Variants in SLCO3A1 observed in about 807,000 individuals in gnomAD.
SLCO3A1 encodes the protein PGE1 transporter.
In SLCO3A1, 27 loss-of-function variants were observed where a neutral mutation model predicts 63.1. The observed-to-expected ratio is 0.43, with a 90% CI of 0.32 to 0.59. The LOEUF (loss-of-function observed/expected upper bound fraction) is 0.59. SLCO3A1 is among the 20% of genes least tolerant of loss of function. The pLI, the probability that SLCO3A1 is intolerant of heterozygous loss-of-function variation, is 0.09. For missense variants in SLCO3A1, 773 were observed against 945.8 expected (o/e 0.82, Z 2.40); for synonymous variants, 473 against 409.9 (o/e 1.15, Z -1.86).
intron 2 of SLCO3A1, among the ~76,000 whole-genome samples, chr15:91,974,781 T>C (rs1901033558): frequency 1.3e-5 from 2 of 152,160 alleles, no homozygotes; most frequent in South Asian, 4.1e-4. Context: ...CCCTCTGTGA[T>C]AGGGTAGGGG....
chr15:92,093,532 T>C (rs1596094367), intron 2 of SLCO3A1, among the ~76,000 whole-genome samples: 1 of 152,212 alleles, frequency 6.6e-6, no homozygotes, highest in Non-Finnish European at 1.5e-5. Context: ...GCAAACTATA[T>C]TACGCGGCTT....
chr15:92,167,794 C>T (rs2048501339), downstream of SLCO3A1, among the ~76,000 whole-genome samples: 1 of 152,166 alleles, frequency 6.6e-6, no homozygotes. Context: ...GCTTGGTCGT[C>T]ATGGCAGGGA....
chr15:92,100,068 A>G (rs1292462121), intron 3 of SLCO3A1, among the ~76,000 whole-genome samples: 3 of 151,008 alleles, frequency 2.0e-5, no homozygotes, highest in Non-Finnish European at 4.4e-5. Context: ...TCCATCTCAA[A>G]AAAAAAAAAC....
intron 2 of SLCO3A1, among the ~76,000 whole-genome samples, chr15:91,992,360 A>C (rs367553412): frequency 6.6e-5 from 10 of 152,292 alleles, no homozygotes; most frequent in African/African-American, 1.7e-4. Context: ...GCACATTCAT[A>C]CTGGGAAGCA....
chr15:91,864,260 T>G (rs765757885), intron 1 of SLCO3A1, among the ~76,000 whole-genome samples: 5 of 152,198 alleles, frequency 3.3e-5, no homozygotes, highest in Non-Finnish European at 7.3e-5. Context: ...TGCTTTCATG[T>G]TAGGCAAAAT....
chr15:92,011,601 T>C (rs1017695640), intron 2 of SLCO3A1, among the ~76,000 whole-genome samples: 2 of 152,216 alleles, frequency 1.3e-5, no homozygotes, highest in African/African-American at 4.8e-5. Context: ...ACAGTTATTC[T>C]CTCTCTCATT....
downstream of SLCO3A1, among the ~76,000 whole-genome samples, chr15:92,167,065 C>T (rs1277102317): frequency 5.3e-5 from 8 of 152,184 alleles, no homozygotes; most frequent in East Asian, 5.8e-4. Flanking sequence ...GACGGAGTTA[C>T]GCTATATTTT....
rs2151351798 is a variant in SLCO3A1, at chr15:91,886,408, G to T, written c.181-29585G>T. Among the ~76,000 whole-genome samples, 1 of 152,240 alleles carries T rather than the reference G, an allele frequency of 6.6e-6. No homozygotes were observed. The highest frequency in any genetic ancestry group is 2.4e-5 in the African/African-American group (1 of 41,526). Reference sequence around the variant, plus strand: ...CCCTGGCCCGCTGCACCTACCTTGGGTCTGGGTGGCTCCTGTTTGTGTCCA... The same window carrying T: ...CCCTGGCCCGCTGCACCTACCTTGGTTCTGGGTGGCTCCTGTTTGTGTCCA... On this transcript the variant is annotated intron_variant, in intron 1 of 9. Coordinates refer to ENST00000318445, the MANE Select transcript of SLCO3A1 (RefSeq NM_013272.4). This position sits in a 1 kb window ranked among gnomAD's most constrained non-coding sequence, Gnocchi z 4.9.
intron 2 of SLCO3A1, among the ~76,000 whole-genome samples, chr15:92,021,734 T>A (rs1286596742): frequency 6.6e-6 from 1 of 152,146 alleles, no homozygotes; most frequent in Non-Finnish European, 1.5e-5. Flanking sequence ...AAGCTTCCAC[T>A]GTGGTGAGAG....
At chr15:92,149,301 G>A (rs963635311) in intron 8 of SLCO3A1, 2 of 152,228 alleles carry the variant, frequency 1.3e-5, no homozygotes, top group Non-Finnish European at 2.9e-5. Flanking sequence ...ACGCTGTGCT[G>A]GAAGCGCATG....
At chr15:91,893,411 A>G (rs1445494899) in intron 1 of SLCO3A1, among the ~76,000 whole-genome samples, 1 of 152,200 alleles carries the variant, frequency 6.6e-6, no homozygotes, top group Non-Finnish European at 1.5e-5. Context: ...AAAGTCCAAG[A>G]TCAAAGTACT....
chr15:92,038,060 G>A (rs1568209), intron 2 of SLCO3A1, among the ~76,000 whole-genome samples: 63,603 of 152,050 alleles, frequency 0.42, 15,131 homozygotes, highest in Admixed American at 0.6. Flanking sequence ...TCCCATGAAG[G>A]TCACAGAAGA....
At chr15:92,055,645 A>T (rs1196969482) in intron 2 of SLCO3A1, among the ~76,000 whole-genome samples, 2 of 152,178 alleles carry the variant, frequency 1.3e-5, no homozygotes, top group Non-Finnish European at 2.9e-5. Context: ...TTTGACAAAC[A>T]GGTCTTGCCA....
At chr15:92,017,378 G>A (rs763852301) in intron 2 of SLCO3A1, among the ~76,000 whole-genome samples, 7 of 152,174 alleles carry the variant, frequency 4.6e-5, no homozygotes, top group Non-Finnish European at 8.8e-5. Flanking sequence ...AGCTGTAAGT[G>A]AAACCAAATT....
At chr15:91,905,972 G>T (rs1329007800) in intron 1 of SLCO3A1, among the ~76,000 whole-genome samples, 2 of 152,176 alleles carry the variant, frequency 1.3e-5, no homozygotes. Context: ...ACAGTGCTTG[G>T]TCACTTGGGT....
intron 2 of SLCO3A1, among the ~76,000 whole-genome samples, chr15:92,002,820 C>G (rs1055630837): frequency 6.6e-6 from 1 of 152,164 alleles, no homozygotes; most frequent in African/African-American, 2.4e-5. Flanking sequence ...TAGTAGAACA[C>G]AAGGGATACC....
intron 7 of SLCO3A1, among the ~76,000 whole-genome samples, chr15:92,146,555 C>G (rs943951014): frequency 1.5e-4 from 23 of 152,190 alleles, no homozygotes; most frequent in Non-Finnish European, 2.2e-4. Context: ...CAACAATATG[C>G]GGGTTACCTG....
chr15:91,963,070 G>T (rs1900510402), intron 2 of SLCO3A1, among the ~76,000 whole-genome samples: 2 of 152,096 alleles, frequency 1.3e-5, no homozygotes, highest in South Asian at 4.1e-4. Context: ...GGTGCTGGGG[G>T]TGATTACCCT....
At chr15:92,085,884 G>C (rs1596086577) in intron 2 of SLCO3A1, among the ~76,000 whole-genome samples, 1 of 152,086 alleles carries the variant, frequency 6.6e-6, no homozygotes, top group East Asian at 1.9e-4. Context: ...TTTGCTGTTT[G>C]GAATCCTGCA....
Sources: gnomAD v4.1 joint callset for allele counts (sites outside exome capture counted in the v4.1 genomes callset) on GRCh38, gnomAD v4.1.1 for gene constraint, Gnocchi (gnomAD v3.1) non-coding constraint, MANE v1.5 for transcripts, NCBI Gene and HGNC (gene_info 2026-07-23, HGNC 2026-07-21) for gene names.